Variants in KCTD10 observed in about 807,000 individuals in gnomAD.
KCTD10 encodes potassium channel tetramerization domain containing 10.
Under a neutral mutation model 34.6 loss-of-function variants are expected in KCTD10, and 13 were observed. The ratio of observed to expected loss-of-function variants is 0.38; its 90% CI spans 0.24 to 0.60. The LOEUF is 0.60. Among genes scored for constraint, KCTD10 ranks in the 20% least tolerant of loss-of-function variants. The pLI is 0.66. For synonymous variants in KCTD10, 156 were observed against 168.8 expected (o/e 0.92, Z 0.59); for missense variants, 256 against 420.3 (o/e 0.61, Z 3.42).
intron 3 of KCTD10, chr12:109,458,279 T>A: frequency 1.8e-6 from 1 of 569,688 alleles, no homozygotes; most frequent in South Asian, 2.1e-5. Context: ...GCTATGACCA[T>A]GATAGGCCAG....
chr12:109,456,591 T>C (rs11610840), intron 5 of KCTD10: 77,066 of 458,414 alleles, frequency 0.17, 6,634 homozygotes, highest in Middle Eastern at 0.19. Context: ...TCCTAACCAT[T>C]GTGCTTGAGT....
chr12:109,456,751 G>A (rs1363546231), intron 5 of KCTD10: 1 of 179,262 alleles, frequency 5.6e-6, no homozygotes, highest in African/African-American at 2.4e-5. Context: ...CATCCCTCAA[G>A]TTCCTGAGTT....
At chr12:109,466,340 C>A (rs1317894875) in intron 2 of KCTD10, among the ~76,000 whole-genome samples, 1 of 152,194 alleles carries the variant, frequency 6.6e-6, no homozygotes, top group Non-Finnish European at 1.5e-5. Flanking sequence ...CATCTCAGGC[C>A]CTGTGGCAAG....
chr12:109,476,185 G>T (rs1874235781), intron 1 of KCTD10, among the ~76,000 whole-genome samples: 1 of 152,204 alleles, frequency 6.6e-6, no homozygotes, highest in Non-Finnish European at 1.5e-5. Context: ...CAGCCATTTT[G>T]AATAAGTTAC....
At chr12:109,469,464 C>A in intron 2 of KCTD10, 51 bp downstream of exon 2, 1 of 1,592,976 alleles carries the variant, frequency 6.3e-7, no homozygotes, top group South Asian at 1.1e-5. Context: ...GGAAGCCCTC[C>A]TTGACCACAT....
At position 109,450,077 on chromosome 12, in the gene KCTD10, C is replaced by T. The variant is rs923803510; in HGVS notation, c.*1518G>A. On this transcript the variant is annotated 3_prime_UTR_variant, in exon 7 of 7. Transcript: ENST00000228495. ...AGTACAAAGTCTAAGCTGTAAAAAC[C>T]GTTTGAAAATATAAACTCGTTTTTG... 1 of 392,824 alleles carries T rather than the reference C, an allele frequency of 2.5e-6. No homozygotes were observed. The highest frequency in any genetic ancestry group is 3.6e-5 in the East Asian group (1 of 27,818). 24.3% of individuals were successfully genotyped at this position (392,824 alleles called of 1,614,324 possible).
chr12:109,460,733 G>C lies in KCTD10; in HGVS notation c.290C>G (p.Pro97Arg). 6.2e-7 allele frequency: 1 copy of C among 1,614,182 alleles called. No individual in the cohort carries two copies. Among genetic ancestry groups the C allele is most frequent in the Non-Finnish European group, 8.5e-7 (1 of 1,180,032 alleles). Residue 97 changes from proline to arginine, a missense_variant, in exon 3 of 7, where the codon CCT (proline) becomes CGT (arginine). Pro to Arg is a moderately radical substitution (Grantham distance 103). This residue lies in a region of KCTD10 where 155 missense variants were observed against 207.0 expected (regional missense o/e 0.75). Transcript: ENST00000228495. The surrounding 1 kb of genome is among the most constrained non-coding windows in gnomAD (Gnocchi z 4.5). ...ILNYLRDGAV[P>R]LPESRREIEE... ...GATCTCCCGGCGGCTCTCGGGTAAA[G>C]GCACCGCCCCGTCTCGAAGGTAGTT... is the stretch of plus-strand genomic sequence containing the variant.
intron 2 of KCTD10, among the ~76,000 whole-genome samples, chr12:109,462,706 T>A (rs892457497): frequency 1.3e-5 from 2 of 152,176 alleles, no homozygotes; most frequent in African/African-American, 4.8e-5. Context: ...CAGGCAGGAA[T>A]GTGGGCCCAA....
intron 2 of KCTD10, among the ~76,000 whole-genome samples, chr12:109,462,104 C>T (rs1873359549): frequency 6.6e-6 from 1 of 152,214 alleles, no homozygotes; most frequent in Non-Finnish European, 1.5e-5. Flanking sequence ...GCATCTTTTT[C>T]ACAATCCAGA....
chr12:109,472,175 AT>A (rs962546558), intron 1 of KCTD10, among the ~76,000 whole-genome samples: 117 of 151,732 alleles, frequency 7.7e-4, no homozygotes, highest in African/African-American at 2.6e-3. Context: ...AAACTTTTTA[AT>A]TTTTTTTTAA....
chr12:109,458,043 A>G lies in KCTD10; in HGVS notation c.423T>C (p.Pro141=), dbSNP rs140610676. The change falls in exon 4 of 7, where the codon CCT becomes CCC. Residue 141 remains proline, a synonymous_variant. Coordinates refer to ENST00000228495, the MANE Select transcript of KCTD10 (RefSeq NM_031954.5). ...GTTCTTCCTTGGATGAGGTGATCACAGGGACCTTGCAGAAAGGCTCATAAG... is the reference window on the plus strand; with the variant it reads ...GTTCTTCCTTGGATGAGGTGATCACGGGGACCTTGCAGAAAGGCTCATAAG... ...KDTYEPFCKV[P]VITSSKEEQK... is the part of the protein sequence containing the mutation. The G allele has an allele frequency of 1.3e-4, 203 of 1,614,214 alleles. No homozygotes were observed. The highest frequency in any genetic ancestry group is 3.5e-4 in the Admixed American group (21 of 60,032).
intron 2 of KCTD10, 122 bp downstream of exon 2, chr12:109,469,390 GGGA>G: frequency 9.1e-7 from 1 of 1,095,134 alleles, no homozygotes; most frequent in South Asian, 1.6e-5. Context: ...TCAAGATGGT[GGGA>G]GTCCCCAACA....
chr12:109,453,092 G>A (rs1872858782), intron 6 of KCTD10, among the ~76,000 whole-genome samples: 1 of 152,148 alleles, frequency 6.6e-6, no homozygotes, highest in African/African-American at 2.4e-5. Flanking sequence ...AGGGAGTGTT[G>A]CTCTGTCACC....
intron 2 of KCTD10, among the ~76,000 whole-genome samples, chr12:109,466,393 T>C (rs918107): frequency 0.17 from 25,794 of 152,164 alleles, 2,248 homozygotes; most frequent in African/African-American, 0.18. Context: ...CTGCAAAACA[T>C]TATCATTCAT....
At position 109,456,423 on chromosome 12, in the gene KCTD10, T is replaced by C. The variant is rs1298115341; in HGVS notation, c.528-110A>G. 1.2e-5 allele frequency: 10 copies of C among 857,794 alleles called. No homozygotes were observed. The Admixed American group carries it at 1.8e-4, about 16-fold the overall frequency. The allele number at this position is 857,794 out of a possible 1,614,324, so 53.1% of individuals were successfully genotyped here. On this transcript the variant is annotated intron_variant, in intron 5 of 6. Coordinates refer to ENST00000228495, the MANE Select transcript of KCTD10 (RefSeq NM_031954.5). ...TGAGCCCACTTTCTCCACTACCTCA[T>C]TTCAACCTCACAATAATCCCATGAC...
Position 109,455,041 on chromosome 12 carries a change from G to GA in KCTD10, c.723+1076dup, listed in dbSNP as rs111648092. Among the ~76,000 whole-genome samples, 1,121 of 140,224 alleles carry GA rather than the reference G, an allele frequency of 8.0e-3. 6 individuals are homozygous for GA. The highest frequency in any genetic ancestry group is 0.019 in the African/African-American group (740 of 38,482). The allele number at this position is 140,224 out of a possible 152,430, so 92.0% of individuals were successfully genotyped here. ...AATTACAGGAAGAATTCACAGCCCT[G>GA]AAAAAAAAAAAACAGTTCACAGGAG... On this transcript the variant is annotated intron_variant, in intron 6 of 6. Transcript: ENST00000228495.
chr12:109,464,793 T>C (rs1433968856), intron 2 of KCTD10: 2 of 455,210 alleles, frequency 4.4e-6, no homozygotes, highest in Non-Finnish European at 8.8e-6. Context: ...AGATTTGCAA[T>C]AATTAAAAGG....
intron 1 of KCTD10, chr12:109,470,705 C>T: frequency 2.0e-6 from 1 of 498,938 alleles, no homozygotes; most frequent in Non-Finnish European, 2.6e-6. Context: ...TGCGACAAGA[C>T]AAAAACAGGA....
At chr12:109,467,646 T>C (rs899528712) in intron 2 of KCTD10, among the ~76,000 whole-genome samples, 15 of 151,776 alleles carry the variant, frequency 9.9e-5, no homozygotes, top group Non-Finnish European at 2.9e-5. Flanking sequence ...GAATGCCCCA[T>C]AAAATGCCAT....
Sources: gnomAD v4.1 joint callset for allele counts (sites outside exome capture counted in the v4.1 genomes callset) on GRCh38, gnomAD v4.1.1 for gene constraint, gnomAD v4.1.1 regional missense constraint, Gnocchi (gnomAD v3.1) non-coding constraint, MANE v1.5 for transcripts, NCBI Gene and HGNC (gene_info 2026-07-23, HGNC 2026-07-21) for gene names.